NRXN3: variants seen among roughly 807,000 people sequenced by gnomAD.
NRXN3 encodes the protein neurexin 3.
A neutral mutation model predicts 137.6 loss-of-function variants in NRXN3; 32 were observed. That is an observed-to-expected ratio of 0.23 (90% confidence interval 0.18 to 0.31). The LOEUF is 0.31. Among genes scored for constraint, NRXN3 ranks in the 10% least tolerant of loss-of-function variants. The probability of loss-of-function intolerance (pLI) is 1.00; values close to 1 mark genes in which losing one functional copy is unlikely to be tolerated. For synonymous variants in NRXN3, 798 were observed against 784.5 expected (o/e 1.02, Z -0.29); for missense variants, 1,574 against 2,062.5 (o/e 0.76, Z 4.59).
intron 10 of NRXN3, among the ~76,000 whole-genome samples, chr14:78,856,465 C>A (rs563119595): frequency 6.6e-6 from 1 of 152,002 alleles, no homozygotes. Context: ...ATATTGGGTT[C>A]TTGGGAACTT....
At chr14:78,219,081 T>G (rs1453382479) in intron 1 of NRXN3, among the ~76,000 whole-genome samples, 2 of 152,222 alleles carry the variant, frequency 1.3e-5, no homozygotes, top group African/African-American at 4.8e-5. Flanking sequence ...GGACCTCATT[T>G]TAACTTAGTT....
chr14:78,991,189 A>G (rs2153078655), intron 15 of NRXN3, among the ~76,000 whole-genome samples: 1 of 152,310 alleles, frequency 6.6e-6, no homozygotes, highest in African/African-American at 2.4e-5. Context: ...AATATAGAGA[A>G]AATCAGAAAG....
At chr14:79,425,837 A>G (rs2095647346) in intron 15 of NRXN3, among the ~76,000 whole-genome samples, 1 of 152,204 alleles carries the variant, frequency 6.6e-6, no homozygotes, top group South Asian at 2.1e-4. Flanking sequence ...GACAGAATGG[A>G]CACTAGACCC....
chr14:79,825,886 C>T (rs2099296995), intron 20 of NRXN3, among the ~76,000 whole-genome samples: 1 of 152,146 alleles, frequency 6.6e-6, no homozygotes, highest in Non-Finnish European at 1.5e-5. Context: ...TATAGATCCT[C>T]CAGCACATGT....
chr14:78,453,184 G>GT lies in NRXN3; in HGVS notation c.757+155326dup, dbSNP rs367680003. ...TTGTCATAATGGCTACAGTTCCACT[G>GT]TTAGGGATGTATTATTTTGGGCATT... On this transcript the variant is annotated intron_variant, in intron 4 of 20. Transcript: ENST00000335750. Among the ~76,000 whole-genome samples, 541 of 152,312 alleles carry GT rather than the reference G, an allele frequency of 3.6e-3. 3 individuals are homozygous for GT. Among genetic ancestry groups the GT allele is most frequent in the Middle Eastern group, 6.8e-3 (2 of 294 alleles).
At chr14:79,686,679 T>C (rs1401479188) in intron 17 of NRXN3, among the ~76,000 whole-genome samples, 2 of 152,218 alleles carry the variant, frequency 1.3e-5, no homozygotes, top group Non-Finnish European at 2.9e-5. Flanking sequence ...GATAAATGTC[T>C]GGACTTGATT....
intron 15 of NRXN3, among the ~76,000 whole-genome samples, chr14:79,284,264 G>A (rs2081804758): frequency 6.8e-6 from 1 of 147,384 alleles, no homozygotes; most frequent in Non-Finnish European, 1.5e-5. Context: ...TTGGGAGGCC[G>A]AGGTGGGGGG....
chr14:79,261,080 A>G (rs980404525), intron 15 of NRXN3, among the ~76,000 whole-genome samples: 1 of 152,114 alleles, frequency 6.6e-6, no homozygotes, highest in Non-Finnish European at 1.5e-5. Flanking sequence ...GGAAAAGGAC[A>G]TGGTGAGGTG....
At chr14:78,423,420 A>T (rs1598482572) in intron 4 of NRXN3, among the ~76,000 whole-genome samples, 1 of 151,900 alleles carries the variant, frequency 6.6e-6, no homozygotes, top group South Asian at 2.1e-4. Context: ...GAGCGCTTAT[A>T]CCTCCCCTCC....
chr14:79,815,030 A>G (rs1183078528), intron 20 of NRXN3, among the ~76,000 whole-genome samples: 1 of 152,206 alleles, frequency 6.6e-6, no homozygotes, highest in East Asian at 1.9e-4. Flanking sequence ...TAGAGAGCCA[A>G]CACTTCAACT....
intron 4 of NRXN3, among the ~76,000 whole-genome samples, chr14:78,481,819 A>G (rs939934270): frequency 6.6e-6 from 1 of 152,148 alleles, no homozygotes; most frequent in African/African-American, 2.4e-5. Context: ...GTCATCTGGC[A>G]TTTTGCTTAT....
At chr14:78,748,554 C>T (rs1257378788) in intron 8 of NRXN3, among the ~76,000 whole-genome samples, 1 of 151,996 alleles carries the variant, frequency 6.6e-6, no homozygotes, top group Non-Finnish European at 1.5e-5. Flanking sequence ...ATCCTAATTG[C>T]AGTGGTCAGA....
At chr14:78,665,150 CA>C (rs1194490543) in intron 6 of NRXN3, among the ~76,000 whole-genome samples, 1 of 152,122 alleles carries the variant, frequency 6.6e-6, no homozygotes, top group Non-Finnish European at 1.5e-5. Context: ...CAGATACTTT[CA>C]GATAATGATA....
At chr14:79,554,329 C>A (rs1451465967) in intron 16 of NRXN3, among the ~76,000 whole-genome samples, 1 of 152,152 alleles carries the variant, frequency 6.6e-6, no homozygotes, top group Admixed American at 6.5e-5. Context: ...TGCTGAAACA[C>A]GTTGTCTACT....
intron 4 of NRXN3, among the ~76,000 whole-genome samples, chr14:78,308,247 A>C (rs2077575306): frequency 6.6e-6 from 1 of 152,132 alleles, no homozygotes; most frequent in South Asian, 2.1e-4. Flanking sequence ...TTAAGAGTGA[A>C]AGAACAGCTG....
At chr14:78,424,175 C>T (rs996078163) in intron 4 of NRXN3, among the ~76,000 whole-genome samples, 6 of 152,180 alleles carry the variant, frequency 3.9e-5, no homozygotes, top group Non-Finnish European at 4.4e-5. Context: ...TTATCTCCTA[C>T]GTTTTTGCTA....
At chr14:78,310,192 C>T (rs1437691560) in intron 4 of NRXN3, among the ~76,000 whole-genome samples, 1 of 150,340 alleles carries the variant, frequency 6.7e-6, no homozygotes, top group Non-Finnish European at 1.5e-5. Context: ...AGCAGGTCAA[C>T]AGTCATCATG....
chr14:78,225,197 C>T (rs1596092972), intron 1 of NRXN3, among the ~76,000 whole-genome samples: 1 of 152,286 alleles, frequency 6.6e-6, no homozygotes, highest in Non-Finnish European at 1.5e-5. Flanking sequence ...AATGGTTGAA[C>T]TAGTTTACAG....
rs553000856 is a variant in NRXN3 at position 78,619,584 on chromosome 14, C to T, written c.758-25536C>T. Among the ~76,000 whole-genome samples the T allele has an allele frequency of 4.6e-5, 7 of 152,166 alleles. 1 individual carries two copies. The East Asian group carries it at 1.4e-3, about 30-fold the overall frequency. On this transcript the variant is annotated intron_variant, in intron 4 of 20. Transcript: ENST00000335750. ...GGTAATTGAATCATGGGGGTTGCTCCCTCATACTGCTCTTGTGATAGTGAG... is the reference window on the plus strand; with the variant it reads ...GGTAATTGAATCATGGGGGTTGCTCTCTCATACTGCTCTTGTGATAGTGAG...
Sources: gnomAD v4.1 joint callset for allele counts (sites outside exome capture counted in the v4.1 genomes callset) on GRCh38, gnomAD v4.1.1 for gene constraint, MANE v1.5 for transcripts, NCBI Gene and HGNC (gene_info 2026-07-23, HGNC 2026-07-21) for gene names.